The following NKAIN2 variants were observed in gnomAD, a reference collection of about 807,000 sequenced individuals.
The protein encoded by NKAIN2 is sodium/potassium-transporting ATPase subunit beta-1-interacting protein 2.
A neutral mutation model predicts 32.6 loss-of-function variants in NKAIN2; 14 were observed. The observed-to-expected ratio is 0.43, with a 90% CI of 0.28 to 0.67. The LOEUF (loss-of-function observed/expected upper bound fraction) is 0.67. Among genes scored for constraint, NKAIN2 ranks in the 30% least tolerant of loss-of-function variants. The probability of loss-of-function intolerance (pLI) is 0.17; values close to 1 mark genes in which losing one functional copy is unlikely to be tolerated. For synonymous variants in NKAIN2, 80 were observed against 87.2 expected, an observed-to-expected ratio of 0.92 and a Z score of 0.46; for missense variants, 198 against 258.3, an observed-to-expected ratio of 0.77 and a Z score of 1.60.
chr6:124,792,587 A>T (rs1779794836), intron 5 of NKAIN2, among the ~76,000 whole-genome samples: 1 of 152,168 alleles, frequency 6.6e-6, no homozygotes, highest in Non-Finnish European at 1.5e-5. Flanking sequence ...AAACAAACAT[A>T]TGAGCAAATA....
At chr6:124,459,716 G>A (rs1047671228) in intron 3 of NKAIN2, among the ~76,000 whole-genome samples, 4 of 151,712 alleles carry the variant, frequency 2.6e-5, no homozygotes, top group South Asian at 2.1e-4. Flanking sequence ...TTTTCTTTCT[G>A]TTGGTATAAT....
At chr6:124,634,096 GA>G (rs61163485) in intron 3 of NKAIN2, among the ~76,000 whole-genome samples, 171 of 142,708 alleles carry the variant, frequency 1.2e-3, no homozygotes, top group East Asian at 3.6e-3. Context: ...ATCTACAGGG[GA>G]AAAAAAAAAA....
At chr6:124,053,594 C>G (rs1039770957) in intron 1 of NKAIN2, among the ~76,000 whole-genome samples, 4 of 152,006 alleles carry the variant, frequency 2.6e-5, no homozygotes, top group African/African-American at 9.7e-5. Context: ...AAGCAGTGCT[C>G]TCTGCTTAAT....
chr6:123,912,949 AT>A (rs1775297621), intron 1 of NKAIN2, among the ~76,000 whole-genome samples: 3 of 152,202 alleles, frequency 2.0e-5, no homozygotes, highest in Admixed American at 6.5e-5. Flanking sequence ...GTTATGTTCT[AT>A]TTATTTGTAG....
intron 1 of NKAIN2, among the ~76,000 whole-genome samples, chr6:124,139,079 A>ATTTTTTTTTTTTTTTTTTTTTT (rs900247440): frequency 2.0e-5 from 2 of 99,470 alleles, no homozygotes; most frequent in Non-Finnish European, 3.6e-5. Flanking sequence ...TTAAATAAAA[A>ATTTTTTTTTTTTTTTTTTTTTT]TTTTTTTTTT....
intron 3 of NKAIN2, among the ~76,000 whole-genome samples, chr6:124,469,864 C>T (rs1236330667): frequency 2.0e-5 from 3 of 152,156 alleles, no homozygotes; most frequent in Non-Finnish European, 4.4e-5. Flanking sequence ...ATGTTCTTCT[C>T]CCCGTCACCT....
chr6:124,033,034 G>C (rs1781471129), intron 1 of NKAIN2, among the ~76,000 whole-genome samples: 1 of 152,058 alleles, frequency 6.6e-6, no homozygotes, highest in Non-Finnish European at 1.5e-5. Flanking sequence ...ATTACTGGTA[G>C]GATAGACACT....
chr6:124,327,689 G>C (rs1420107091), intron 2 of NKAIN2, among the ~76,000 whole-genome samples: 1 of 152,022 alleles, frequency 6.6e-6, no homozygotes, highest in Non-Finnish European at 1.5e-5. Flanking sequence ...AGTAATAAAT[G>C]ATAGCCATTA....
chr6:124,713,605 C>T (rs112352824), intron 4 of NKAIN2, among the ~76,000 whole-genome samples: 5 of 152,048 alleles, frequency 3.3e-5, no homozygotes, highest in African/African-American at 1.2e-4. Context: ...ACCCAAAAAA[C>T]GGAGATGGGA....
intron 3 of NKAIN2, among the ~76,000 whole-genome samples, chr6:124,389,759 A>G (rs2114409298): frequency 6.7e-6 from 1 of 148,710 alleles, no homozygotes; most frequent in East Asian, 2.0e-4. Context: ...GTGGGTTTGA[A>G]TCTGTGACTG....
At chr6:124,377,332 C>G (rs184975479) in intron 3 of NKAIN2, among the ~76,000 whole-genome samples, 1 of 152,142 alleles carries the variant, frequency 6.6e-6, no homozygotes, top group African/African-American at 2.4e-5. Flanking sequence ...GCCCAAGGAT[C>G]AGGGCAGTAA....
chr6:123,848,319 C>G (rs567485033), intron 1 of NKAIN2, among the ~76,000 whole-genome samples: 42 of 152,222 alleles, frequency 2.8e-4, no homozygotes, highest in African/African-American at 1.0e-3. Context: ...TTGCATGCTA[C>G]CTGATATGGT....
At chr6:124,334,000 A>G (rs1474699139) in intron 2 of NKAIN2, among the ~76,000 whole-genome samples, 1 of 152,326 alleles carries the variant, frequency 6.6e-6, no homozygotes, top group Non-Finnish European at 1.5e-5. Flanking sequence ...TTTAAAAAAA[A>G]GTTTTTATAT....
At chr6:124,435,030 A>T (rs1326855172) in intron 3 of NKAIN2, among the ~76,000 whole-genome samples, 3 of 152,202 alleles carry the variant, frequency 2.0e-5, no homozygotes, top group South Asian at 4.1e-4. Context: ...AAAAATAATT[A>T]TCATGAAGAG....
rs1018606967 is a variant in NKAIN2, at chr6:124,328,517, C to T, written c.193-26750C>T. 5.3e-5 allele frequency among the ~76,000 whole-genome samples: 8 copies of T among 152,282 alleles called. No homozygotes were observed. The South Asian group carries it at 6.2e-4, about 12-fold the overall frequency. On this transcript the variant is annotated intron_variant, in intron 2 of 6. Coordinates refer to ENST00000368417, the MANE Select transcript of NKAIN2 (RefSeq NM_001040214.3). ...CACATGTATCAGCTACCCTGGGATACAGACTCTGAGATGGAGATTTACATG... is the reference window on the plus strand; with the variant it reads ...CACATGTATCAGCTACCCTGGGATATAGACTCTGAGATGGAGATTTACATG...
At chr6:124,715,684 A>G (rs1775720416) in intron 4 of NKAIN2, among the ~76,000 whole-genome samples, 1 of 152,168 alleles carries the variant, frequency 6.6e-6, no homozygotes, top group South Asian at 2.1e-4. Context: ...GGACCATCCC[A>G]TAAATTCCTG....
chr6:124,199,018 A>C (rs1172391863), intron 1 of NKAIN2, among the ~76,000 whole-genome samples: 1 of 152,112 alleles, frequency 6.6e-6, no homozygotes, highest in Non-Finnish European at 1.5e-5. Context: ...TGCTTTTTGA[A>C]CTTACAAATA....
In NKAIN2 at chr6:123,804,091, C is replaced by A; in HGVS notation, c.-110C>A. On this transcript the variant is annotated 5_prime_UTR_variant, in exon 1 of 7. Transcript: ENST00000368417. ...GGCAGCAGCAGCAGCCCGGAGCCCCCGAGCCCTCGGCAGGTTTGCGTGTCC... is the reference window on the plus strand; with the variant it reads ...GGCAGCAGCAGCAGCCCGGAGCCCCAGAGCCCTCGGCAGGTTTGCGTGTCC... 1 of 979,278 alleles carries A rather than the reference C, an allele frequency of 1.0e-6. No individual in the cohort carries two copies. Among genetic ancestry groups the A allele is most frequent in the Non-Finnish European group, 1.7e-6 (1 of 603,438 alleles). 60.7% of individuals were successfully genotyped at this position (979,278 alleles called of 1,614,324 possible).
intron 1 of NKAIN2, among the ~76,000 whole-genome samples, chr6:123,841,026 T>G (rs1022596497): frequency 1.3e-5 from 2 of 152,180 alleles, no homozygotes; most frequent in African/African-American, 4.8e-5. Flanking sequence ...CTCTGTGTTT[T>G]TTAAATGCAA....
Sources: gnomAD v4.1 joint callset for allele counts (sites outside exome capture counted in the v4.1 genomes callset) on GRCh38, gnomAD v4.1.1 for gene constraint, MANE v1.5 for transcripts, NCBI Gene and HGNC (gene_info 2026-07-23, HGNC 2026-07-21) for gene names.